Variants in DMD observed in about 807,000 individuals in gnomAD.
DMD encodes dystrophin.
Under a neutral mutation model 330.1 loss-of-function variants are expected in DMD, and 63 were observed. The ratio of observed to expected loss-of-function variants is 0.19; its 90% CI spans 0.16 to 0.24. The LOEUF (loss-of-function observed/expected upper bound fraction) is 0.24. Ranked by LOEUF, DMD falls within the 10% of genes least tolerant of loss-of-function variation. The pLI, the probability that DMD is intolerant of heterozygous loss-of-function variation, is 1.00. For synonymous variants in DMD, 1,223 were observed against 959.8 expected (o/e 1.27, Z -5.07); for missense variants, 3,344 against 2,684.1 (o/e 1.25, Z -5.43).
At chrX:32,506,780 TTC>T (rs980915950) in intron 18 of DMD, among the ~76,000 whole-genome samples, 13 of 111,768 alleles carry the variant, frequency 1.2e-4, no homozygotes, top group African/African-American at 4.2e-4. Context: ...CAGGTAAAAC[TTC>T]TGAGTTGTCT....
chrX:32,502,905 C>G (rs1186310778), intron 18 of DMD, among the ~76,000 whole-genome samples: 1 of 111,263 alleles, frequency 9.0e-6, no homozygotes, highest in Non-Finnish European at 1.9e-5. Flanking sequence ...TGATCTGTAT[C>G]TGTGTCATCC....
At chrX:31,134,726 C>A (rs1034517166) in intron 76 of DMD, among the ~76,000 whole-genome samples, 1 of 112,304 alleles carries the variant, frequency 8.9e-6, no homozygotes, top group Non-Finnish European at 1.9e-5. Flanking sequence ...CAGCCTACTG[C>A]GTATCTTTTT....
At chrX:32,245,229 C>T (rs1392143578) in intron 43 of DMD, among the ~76,000 whole-genome samples, 1 of 93,504 alleles carries the variant, frequency 1.1e-5, no homozygotes, top group Non-Finnish European at 2.1e-5. Context: ...ATCCTTTCCC[C>T]ATTGCTTGTT....
chrX:32,131,392 T>C (rs1433687447), intron 44 of DMD, among the ~76,000 whole-genome samples: 1 of 111,500 alleles, frequency 9.0e-6, no homozygotes, highest in African/African-American at 3.3e-5. Context: ...AGTTTTCTTG[T>C]TATCTTAAGG....
intron 41 of DMD, among the ~76,000 whole-genome samples, chrX:32,338,944 CTGT>C (rs890925324): frequency 9.8e-5 from 11 of 111,914 alleles, no homozygotes; most frequent in Non-Finnish European, 1.7e-4. Flanking sequence ...AACGAGATAT[CTGT>C]TGTTAACATT....
chrX:32,097,471 G>A (rs768147386), intron 44 of DMD, among the ~76,000 whole-genome samples: 2 of 111,300 alleles, frequency 1.8e-5, no homozygotes, highest in East Asian at 5.7e-4. Flanking sequence ...TGGTGTGTAT[G>A]TGCCACCTTT....
intron 2 of DMD, among the ~76,000 whole-genome samples, chrX:32,899,157 T>C (rs966520857): frequency 7.1e-5 from 8 of 112,266 alleles, no homozygotes; most frequent in African/African-American, 2.6e-4. Context: ...AGTTGCCCAT[T>C]TTAGACTGGG....
chrX:32,697,779 G>T, intron 9 of DMD, 91 bp downstream of exon 9: 1 of 1,136,558 alleles, frequency 8.8e-7, no homozygotes, highest in Non-Finnish European at 1.2e-6. Flanking sequence ...GAGATAAAAG[G>T]CACTGAAAAA....
intron 44 of DMD, among the ~76,000 whole-genome samples, chrX:31,969,272 C>T (rs1276574700): frequency 1.8e-5 from 2 of 111,156 alleles, no homozygotes; most frequent in African/African-American, 3.3e-5. Context: ...ATATTACAAC[C>T]AAGTACACAC....
intron 44 of DMD, among the ~76,000 whole-genome samples, chrX:32,147,502 A>T (rs1446597274): frequency 8.9e-6 from 1 of 112,061 alleles, no homozygotes; most frequent in Admixed American, 9.5e-5. Context: ...ATAAGCAAAG[A>T]TCATCCCATA....
intron 44 of DMD, among the ~76,000 whole-genome samples, chrX:32,017,846 T>C (rs2095776428): frequency 8.9e-6 from 1 of 111,912 alleles, no homozygotes; most frequent in Non-Finnish European, 1.9e-5. Context: ...AATGTTTGAG[T>C]GGATGGCTTT....
chrX:32,394,642 G>C lies in DMD; in HGVS notation c.4234-4461C>G, dbSNP rs2098027370. ...AACCCTAGGTATCTGCTGAGGATGAGAGGAGAGAATCAAGGTGGAATTTAA... is the reference window on the plus strand; with the variant it reads ...AACCCTAGGTATCTGCTGAGGATGACAGGAGAGAATCAAGGTGGAATTTAA... On this transcript the variant is annotated intron_variant, in intron 30 of 78. Transcript: ENST00000357033. Among the ~76,000 whole-genome samples the C allele has an allele frequency of 2.7e-5, 3 of 110,840 alleles. No homozygotes were observed. In the South Asian group the frequency reaches 1.1e-3, roughly 42 times the overall value.
chrX:32,473,798 C>G (rs1464208345), intron 21 of DMD, among the ~76,000 whole-genome samples: 1 of 111,151 alleles, frequency 9.0e-6, no homozygotes, highest in East Asian at 2.8e-4. Flanking sequence ...TTTTAATTTA[C>G]ATAAATAATA....
intron 47 of DMD, among the ~76,000 whole-genome samples, chrX:31,908,366 C>T (rs1277310487): frequency 9.0e-6 from 1 of 111,540 alleles, no homozygotes; most frequent in Non-Finnish European, 1.9e-5. Flanking sequence ...ACATACACAC[C>T]ATGGAATACT....
chrX:31,164,688 G>T (rs1318712707), intron 74 of DMD, among the ~76,000 whole-genome samples: 1 of 110,850 alleles, frequency 9.0e-6, no homozygotes, highest in African/African-American at 3.3e-5. Flanking sequence ...CCTCGTTCCA[G>T]CATCGCTCTT....
At chrX:31,913,671 A>G (rs1049279817) in intron 47 of DMD, among the ~76,000 whole-genome samples, 5 of 111,727 alleles carry the variant, frequency 4.5e-5, no homozygotes, top group African/African-American at 1.6e-4. Context: ...GTTGTGGTGA[A>G]GAATAAGTCA....
intron 67 of DMD, among the ~76,000 whole-genome samples, chrX:31,197,546 G>T (rs1373393070): frequency 9.0e-6 from 1 of 111,463 alleles, no homozygotes; most frequent in Non-Finnish European, 1.9e-5. Context: ...ATTCATTTTT[G>T]TCATACAAAT....
chrX:31,869,454 G>C (rs1345115338), intron 48 of DMD, among the ~76,000 whole-genome samples: 1 of 92,129 alleles, frequency 1.1e-5, no homozygotes, highest in Non-Finnish European at 2.1e-5. Context: ...GGATCCTGCT[G>C]TCTTACACAT....
chrX:31,333,860 A>G (rs2057275493), intron 61 of DMD, among the ~76,000 whole-genome samples: 1 of 111,759 alleles, frequency 8.9e-6, no homozygotes, highest in Admixed American at 9.5e-5. Context: ...CATTATACAT[A>G]CGTAAGAAAT....
Sources: gnomAD v4.1 joint callset for allele counts (sites outside exome capture counted in the v4.1 genomes callset) on GRCh38, gnomAD v4.1.1 for gene constraint, MANE v1.5 for transcripts, NCBI Gene and HGNC (gene_info 2026-07-23, HGNC 2026-07-21) for gene names.